Variants in BLM observed in about 807,000 individuals in gnomAD.
The protein encoded by BLM is recQ-like DNA helicase BLM.
BLM carries 95 observed loss-of-function variants against 135.3 expected under a neutral mutation model. That is an observed-to-expected ratio of 0.70 (90% CI 0.59 to 0.83). The LOEUF is 0.83. Among genes scored for constraint, BLM ranks in the 40% least tolerant of loss-of-function variants. The probability of loss-of-function intolerance (pLI) is 0.00; values close to 1 mark genes in which losing one functional copy is unlikely to be tolerated. For missense variants in BLM, 1,518 were observed against 1,663.9 expected, an observed-to-expected ratio of 0.91 and a Z score of 1.53; for synonymous variants, 520 against 589.2, an observed-to-expected ratio of 0.88 and a Z score of 1.70.
chr15:90,724,605 G>A (rs1333230398), intron 1 of BLM, among the ~76,000 whole-genome samples: 1 of 152,106 alleles, frequency 6.6e-6, no homozygotes, highest in Non-Finnish European at 1.5e-5. Context: ...CAAGTGGTAA[G>A]TCCTCCACAT....
chr15:90,730,672 T>A (rs1454705149), intron 1 of BLM, among the ~76,000 whole-genome samples: 1 of 152,140 alleles, frequency 6.6e-6, no homozygotes, highest in East Asian at 1.9e-4. Context: ...GGTCTCGAAC[T>A]CCTGACCTTG....
rs142723411 is a variant in BLM, at chr15:90,790,808, T to C, written c.2983T>C (p.Tyr995His). Residue 995 changes from tyrosine (Y) to histidine (H), a missense_variant, in exon 15 of 22, where the codon TAT becomes CAT. Physicochemically the swap from Tyr to His is moderately conservative, Grantham distance 83 (BLOSUM62 2). Coordinates refer to ENST00000355112, the MANE Select transcript of BLM (RefSeq NM_000057.4). ...ATCTCACTGCCTGCTTTTCTATACCTATCATGATGTGACCAGACTGAAAAG... is the reference window on the plus strand; with the variant it reads ...ATCTCACTGCCTGCTTTTCTATACCCATCATGATGTGACCAGACTGAAAAG... ...EISHCLLFYT[Y>H]HDVTRLKRLI... is the part of the protein sequence containing the mutation. 1 of 1,614,058 alleles carries C rather than the reference T, an allele frequency of 6.2e-7. No homozygotes were observed. The highest frequency in any genetic ancestry group is 8.5e-7 in the Non-Finnish European group (1 of 1,180,022).
At chr15:90,747,516 C>A in intron 2 of BLM, 26 bp downstream of exon 2, 1 of 1,413,948 alleles carries the variant, frequency 7.1e-7, no homozygotes, top group African/African-American at 1.4e-5. Flanking sequence ...GGTTTGCTGT[C>A]ACATAGGCAC....
At chr15:90,750,342 C>G (rs1895648369) in intron 3 of BLM, among the ~76,000 whole-genome samples, 1 of 152,142 alleles carries the variant, frequency 6.6e-6, no homozygotes, top group African/African-American at 2.4e-5. Context: ...GCTTTGCATT[C>G]TCTGAGGTTT....
intron 15 of BLM, 39 bp from the exon 16 acceptor site, chr15:90,794,128 C>G: frequency 6.9e-7 from 1 of 1,451,696 alleles, no homozygotes; most frequent in Admixed American, 1.8e-5. Flanking sequence ...CTATTTTTCC[C>G]CTATAAGTAT....
chr15:90,814,972 G>T, intron 21 of BLM, 130 bp from the exon 22 acceptor site: 5 of 890,308 alleles, frequency 5.6e-6, no homozygotes, highest in Non-Finnish European at 8.8e-6. Flanking sequence ...TAGGGGGCTC[G>T]TAGGCAGAAA....
chr15:90,727,486 T>C (rs1894949806), intron 1 of BLM, among the ~76,000 whole-genome samples: 1 of 152,182 alleles, frequency 6.6e-6, no homozygotes, highest in African/African-American at 2.4e-5. Flanking sequence ...GTCTGAGAAC[T>C]TGGCTTTTGA....
chr15:90,746,276 C>T (rs185641271), intron 1 of BLM, among the ~76,000 whole-genome samples: 11 of 152,178 alleles, frequency 7.2e-5, no homozygotes, highest in African/African-American at 2.2e-4. Context: ...TTCATTCCTT[C>T]CATCTACTTT....
chr15:90,794,071 A>AT, intron 15 of BLM, 96 bp from the exon 16 acceptor site: 1 of 840,220 alleles, frequency 1.2e-6, no homozygotes, highest in East Asian at 2.9e-5. Context: ...TTCTTATTTA[A>AT]TATTTAAAGT....
At chr15:90,808,734 G>A in intron 19 of BLM, 1 of 318,344 alleles carries the variant, frequency 3.1e-6, no homozygotes. Context: ...GGAGTGCAGA[G>A]AAGAGGCTGG....
chr15:90,809,051 CGTGT>C, intron 19 of BLM, 82 bp from the exon 20 acceptor site: 1 of 1,567,682 alleles, frequency 6.4e-7, no homozygotes, highest in South Asian at 1.1e-5. Context: ...ACTTAGCAGA[CGTGT>C]GCTGAATGCG....
intron 1 of BLM, among the ~76,000 whole-genome samples, chr15:90,743,488 A>T (rs1420688536): frequency 6.6e-6 from 1 of 151,466 alleles, no homozygotes; most frequent in African/African-American, 2.4e-5. Flanking sequence ...ATTTGTTTTC[A>T]GTTAATTTTT....
intron 17 of BLM, among the ~76,000 whole-genome samples, chr15:90,800,478 C>A (rs113564128): frequency 6.6e-6 from 1 of 151,762 alleles, no homozygotes; most frequent in Non-Finnish European, 1.5e-5. Context: ...GTCAGGAGTT[C>A]GAGGCCAGCC....
At chr15:90,760,092 A>G (rs1254497634) in intron 5 of BLM, 55 bp from the exon 6 acceptor site, 2 of 1,523,934 alleles carry the variant, frequency 1.3e-6, no homozygotes, top group Non-Finnish European at 1.8e-6. Flanking sequence ...TGCCTAGCCA[A>G]GACTTTTTTT....
intron 1 of BLM, among the ~76,000 whole-genome samples, chr15:90,744,144 T>C (rs1895439231): frequency 6.6e-6 from 1 of 152,210 alleles, no homozygotes; most frequent in Admixed American, 6.5e-5. Context: ...AAAGGGTAAG[T>C]AATGATGCCA....
chr15:90,725,399 A>G (rs1047318797), intron 1 of BLM, among the ~76,000 whole-genome samples: 2 of 151,924 alleles, frequency 1.3e-5, no homozygotes, highest in African/African-American at 2.4e-5. Flanking sequence ...TGGTATATTC[A>G]TGTATAGTAG....
At chr15:90,719,672 G>A (rs1173429561) in intron 1 of BLM, among the ~76,000 whole-genome samples, 2 of 151,578 alleles carry the variant, frequency 1.3e-5, no homozygotes, top group East Asian at 3.9e-4. Context: ...TTGGTTGGTG[G>A]GTACATGGGT....
chr15:90,722,658 T>G (rs1345647479), intron 1 of BLM, among the ~76,000 whole-genome samples: 1 of 152,158 alleles, frequency 6.6e-6, no homozygotes, highest in Non-Finnish European at 1.5e-5. Flanking sequence ...AATTACAAAG[T>G]TTAGTTATGC....
At chr15:90,803,020 G>T (rs62025123) in intron 17 of BLM, among the ~76,000 whole-genome samples, 3 of 151,856 alleles carry the variant, frequency 2.0e-5, no homozygotes, top group Non-Finnish European at 2.9e-5. Context: ...TAAATTAGGT[G>T]GGTGTGATGG....
Sources: gnomAD v4.1 joint callset for allele counts (sites outside exome capture counted in the v4.1 genomes callset) on GRCh38, gnomAD v4.1.1 for gene constraint, MANE v1.5 for transcripts, NCBI Gene and HGNC (gene_info 2026-07-23, HGNC 2026-07-21) for gene names.